The following TANC1 variants were observed in gnomAD, a reference collection of about 807,000 sequenced individuals.
TANC1 encodes the protein tetratricopeptide repeat, ankyrin repeat and coiled-coil containing 1.
TANC1 carries 77 observed loss-of-function variants against 149.7 expected under a neutral mutation model. The observed-to-expected ratio is 0.51, with a 90% CI of 0.43 to 0.62. TANC1 has a LOEUF of 0.62. Ranked by LOEUF, TANC1 falls within the 20% of genes least tolerant of loss-of-function variation. The pLI, the probability that TANC1 is intolerant of heterozygous loss-of-function variation, is 0.00. For missense variants in TANC1, 1,985 were observed against 2,321.8 expected, an observed-to-expected ratio of 0.85 and a Z score of 2.98; for synonymous variants, 854 against 925.0, an observed-to-expected ratio of 0.92 and a Z score of 1.39.
At chr2:159,050,287 T>C (rs776099754) in intron 2 of TANC1, among the ~76,000 whole-genome samples, 7 of 152,202 alleles carry the variant, frequency 4.6e-5, no homozygotes, top group Non-Finnish European at 7.3e-5. Context: ...AAAAAATTTT[T>C]TTTGTAGAAA....
intron 1 of TANC1, among the ~76,000 whole-genome samples, chr2:158,972,991 T>A (rs79763214): frequency 0.018 from 2,742 of 152,250 alleles, 47 homozygotes; most frequent in Middle Eastern, 0.075. Flanking sequence ...TCTCCTGGTT[T>A]GGTTTAGCTG....
At chr2:159,128,069 T>G (rs2049664171) in intron 4 of TANC1, among the ~76,000 whole-genome samples, 1 of 152,238 alleles carries the variant, frequency 6.6e-6, no homozygotes, top group Non-Finnish European at 1.5e-5. Context: ...CTTTTGTGTT[T>G]TCTTCACTAT....
chr2:159,040,611 A>C (rs1339725166), intron 2 of TANC1, among the ~76,000 whole-genome samples: 1 of 152,190 alleles, frequency 6.6e-6, no homozygotes, highest in Non-Finnish European at 1.5e-5. Context: ...CAGCTCCATC[A>C]GGTCATTTAA....
At chr2:159,120,717 C>T (rs1223339550) in intron 4 of TANC1, among the ~76,000 whole-genome samples, 1 of 152,126 alleles carries the variant, frequency 6.6e-6, no homozygotes, top group Non-Finnish European at 1.5e-5. Context: ...AGTGATCCTC[C>T]CACCTCAGCC....
chr2:159,211,773 A>G (rs960360203), intron 19 of TANC1, among the ~76,000 whole-genome samples: 1 of 152,244 alleles, frequency 6.6e-6, no homozygotes, highest in South Asian at 2.1e-4. Flanking sequence ...TGTCTGCATC[A>G]TTTGTAAACG....
chr2:158,999,149 CAGAT>C (rs2036404878), intron 1 of TANC1, among the ~76,000 whole-genome samples: 1 of 152,156 alleles, frequency 6.6e-6, no homozygotes, highest in African/African-American at 2.4e-5. Flanking sequence ...TAGATTTTGT[CAGAT>C]AGGAAGTTTC....
chr2:159,088,971 A>G (rs1439372767), intron 3 of TANC1, among the ~76,000 whole-genome samples: 1 of 152,050 alleles, frequency 6.6e-6, no homozygotes, highest in Non-Finnish European at 1.5e-5. Context: ...CAGTCCTGTC[A>G]TTGATTATTT....
At chr2:159,215,000 T>G (rs1229095054) in intron 19 of TANC1, among the ~76,000 whole-genome samples, 1 of 152,144 alleles carries the variant, frequency 6.6e-6, no homozygotes. Context: ...TAAACTCTTA[T>G]GAGGGGCTGG....
intron 2 of TANC1, among the ~76,000 whole-genome samples, chr2:159,011,676 C>T (rs192569115): frequency 6.6e-6 from 1 of 152,214 alleles, no homozygotes; most frequent in East Asian, 1.9e-4. Context: ...ATTGGGACCA[C>T]AGGTGCACAC....
intron 2 of TANC1, among the ~76,000 whole-genome samples, chr2:159,019,968 C>T (rs909734050): frequency 2.3e-4 from 35 of 151,972 alleles, no homozygotes; most frequent in African/African-American, 8.5e-4. Context: ...TCTTTCCAAG[C>T]GCTGCCAAGA....
In TANC1 at chr2:159,219,288, G is replaced by A. The variant is rs763291518; in HGVS notation, c.3429G>A (p.Lys1143=). ...ERGCDVNLSD[K]QGRTPLMVAA... ...GCTGTGATGTGAACCTAAGTGACAA[G>A]CAAGGCCGGACGCCCCTCATGGTGG... The change falls in exon 21 of 27, where the codon AAG becomes AAA. Residue 1143 remains lysine, a synonymous_variant. Coordinates refer to ENST00000263635, the MANE Select transcript of TANC1 (RefSeq NM_033394.3). 1.2e-6 allele frequency: 2 copies of A among 1,614,236 alleles called. No individual in the cohort carries two copies. Among genetic ancestry groups the A allele is most frequent in the Non-Finnish European group, 8.5e-7 (1 of 1,180,044 alleles).
intron 4 of TANC1, among the ~76,000 whole-genome samples, chr2:159,135,052 C>T (rs956212477): frequency 4.6e-5 from 7 of 152,148 alleles, no homozygotes; most frequent in Non-Finnish European, 2.9e-5. Flanking sequence ...AATTTTAGAA[C>T]ATTTGGTCAC....
intron 2 of TANC1, among the ~76,000 whole-genome samples, chr2:159,002,454 A>G (rs746393818): frequency 6.6e-6 from 1 of 152,236 alleles, no homozygotes; most frequent in South Asian, 2.1e-4. Flanking sequence ...GTAGATGATC[A>G]GCAAACTGCA....
At chr2:159,045,014 A>G (rs1012724123) in intron 2 of TANC1, among the ~76,000 whole-genome samples, 1 of 152,242 alleles carries the variant, frequency 6.6e-6, no homozygotes, top group African/African-American at 2.4e-5. Context: ...CAGAGTACAT[A>G]TCACAATTCC....
intron 19 of TANC1, among the ~76,000 whole-genome samples, chr2:159,211,580 T>G (rs2058983568): frequency 6.6e-6 from 1 of 152,240 alleles, no homozygotes; most frequent in Non-Finnish European, 1.5e-5. Context: ...TGAGCATAAT[T>G]TAGCCATGGT....
At position 158,986,568 on chromosome 2, in the gene TANC1, C is replaced by T. The variant is rs567393896; in HGVS notation, c.-125-14512C>T. On this transcript the variant is annotated intron_variant, in intron 1 of 26. Transcript: ENST00000263635. Reference sequence around the variant, plus strand: ...TGCCCCCAGGAGGTGCTTCAGTAGGCCTGTGGTGGGTTTTGGGGATCTGCA... The same window carrying T: ...TGCCCCCAGGAGGTGCTTCAGTAGGTCTGTGGTGGGTTTTGGGGATCTGCA... Among the ~76,000 whole-genome samples the T allele has an allele frequency of 6.0e-4, 91 of 152,228 alleles. 1 individual carries two copies. The highest frequency in any genetic ancestry group is 3.4e-3 in the Middle Eastern group (1 of 294).
chr2:159,208,756 G>A (rs1030574762), intron 19 of TANC1, among the ~76,000 whole-genome samples: 1 of 152,192 alleles, frequency 6.6e-6, no homozygotes, highest in African/African-American at 2.4e-5. Context: ...CAATAAGGAA[G>A]GTGTTCAAAA....
At chr2:159,127,229 TC>T (rs2150133707) in intron 4 of TANC1, among the ~76,000 whole-genome samples, 1 of 152,296 alleles carries the variant, frequency 6.6e-6, no homozygotes, top group African/African-American at 2.4e-5. Flanking sequence ...ACATCACTGA[TC>T]ATTTGAGAAA....
In TANC1 at chr2:159,230,843, G is replaced by A; in HGVS notation, c.5417G>A (p.Ser1806Asn). Residue 1806 changes from serine to asparagine, a missense_variant, in exon 27 of 27, where the codon AGC becomes AAC. Coordinates refer to ENST00000263635, the MANE Select transcript of TANC1 (RefSeq NM_033394.3). The surrounding 1 kb of genome is among the most constrained non-coding windows in gnomAD (Gnocchi z 4.4). Reference protein sequence around the residue: ...NGAQVKELEESKCQIPVHSQE... With the variant: ...NGAQVKELEENKCQIPVHSQE... ...GCACAAGTGAAGGAGCTAGAAGAAA[G>A]CAAGTGCCAAATTCCAGTCCACTCT... is the stretch of plus-strand genomic sequence containing the variant. 1 of 1,614,204 alleles carries A rather than the reference G, an allele frequency of 6.2e-7. No individual in the cohort carries two copies. Among genetic ancestry groups the A allele is most frequent in the East Asian group, 2.2e-5 (1 of 44,890 alleles).
Sources: gnomAD v4.1 joint callset for allele counts (sites outside exome capture counted in the v4.1 genomes callset) on GRCh38, gnomAD v4.1.1 for gene constraint, Gnocchi (gnomAD v3.1) non-coding constraint, MANE v1.5 for transcripts, NCBI Gene and HGNC (gene_info 2026-07-23, HGNC 2026-07-21) for gene names.